SFSWAP: variants seen among roughly 807,000 people sequenced by gnomAD.
The protein encoded by SFSWAP is splicing factor SWAP.
A neutral mutation model predicts 100.7 loss-of-function variants in SFSWAP; 17 were observed. The observed-to-expected ratio is 0.17, with a 90% CI of 0.12 to 0.25. SFSWAP has a LOEUF of 0.25. Ranked by LOEUF, SFSWAP falls within the 10% of genes least tolerant of loss-of-function variation. The pLI is 1.00. For synonymous variants in SFSWAP, 504 were observed against 510.1 expected (o/e 0.99, Z 0.16); for missense variants, 1,005 against 1,262.6 (o/e 0.80, Z 3.09).
At chr12:131,766,037 C>T in intron 12 of SFSWAP, 81 bp from the exon 13 acceptor site, 1 of 1,419,986 alleles carries the variant, frequency 7.0e-7, no homozygotes, top group Non-Finnish European at 9.5e-7. Flanking sequence ...TTGTATGACA[C>T]TTTTGCAACC....
At chr12:131,784,786 G>A (rs1593187355) in intron 14 of SFSWAP, 1 of 266,338 alleles carries the variant, frequency 3.8e-6, no homozygotes, top group East Asian at 7.0e-5. Context: ...TCTAAGATGG[G>A]CGTTTTCCCC....
At chr12:131,772,242 G>GCTGAATTCCCATTTGTACTCGATCTTT (rs1883675742) in intron 13 of SFSWAP, among the ~76,000 whole-genome samples, 1 of 152,116 alleles carries the variant, frequency 6.6e-6, no homozygotes, top group Non-Finnish European at 1.5e-5. Flanking sequence ...TTTACAACGT[G>GCTGAATTCCCATTTGTACTCGATCTTT]CTGAATTCCC....
intron 4 of SFSWAP, among the ~76,000 whole-genome samples, chr12:131,721,312 T>G (rs1157076346): frequency 3.3e-5 from 5 of 152,228 alleles, no homozygotes; most frequent in Admixed American, 3.3e-4. Context: ...CATATGTTTG[T>G]TTCTCCATTT....
At chr12:131,793,062 G>A (rs1885388030) in intron 15 of SFSWAP, among the ~76,000 whole-genome samples, 3 of 152,044 alleles carry the variant, frequency 2.0e-5, no homozygotes, top group Admixed American at 6.6e-5. Flanking sequence ...CAGCCACAGC[G>A]ATTCAGTGAG....
chr12:131,782,214 C>A (rs1369978424), intron 14 of SFSWAP, among the ~76,000 whole-genome samples: 1 of 152,216 alleles, frequency 6.6e-6, no homozygotes, highest in Non-Finnish European at 1.5e-5. Flanking sequence ...TGCCTCAGCT[C>A]TTCTGGGAAC....
At chr12:131,759,075 A>G (rs769359159) in intron 11 of SFSWAP, among the ~76,000 whole-genome samples, 9 of 152,222 alleles carry the variant, frequency 5.9e-5, no homozygotes, top group Non-Finnish European at 1.2e-4. Context: ...TGACAGAGGA[A>G]GAAAATTATA....
chr12:131,743,497 A>C (rs532738443), intron 7 of SFSWAP, among the ~76,000 whole-genome samples: 7 of 152,266 alleles, frequency 4.6e-5, no homozygotes, highest in Non-Finnish European at 1.0e-4. Flanking sequence ...CTTTGACTCC[A>C]TGTCTCGCAT....
At chr12:131,719,904 A>G (rs1566003257) in intron 4 of SFSWAP, among the ~76,000 whole-genome samples, 2 of 152,208 alleles carry the variant, frequency 1.3e-5, no homozygotes, top group Non-Finnish European at 2.9e-5. Context: ...CGTTGATTTC[A>G]GTAACGTTGC....
At chr12:131,761,543 G>A (rs1412366590) in intron 11 of SFSWAP, among the ~76,000 whole-genome samples, 1 of 152,236 alleles carries the variant, frequency 6.6e-6, no homozygotes, top group Non-Finnish European at 1.5e-5. Context: ...CAGCTCTCAG[G>A]CAGAGGTGAG....
At chr12:131,758,504 G>A (rs1184255366) in intron 11 of SFSWAP, among the ~76,000 whole-genome samples, 1 of 152,182 alleles carries the variant, frequency 6.6e-6, no homozygotes, top group Non-Finnish European at 1.5e-5. Flanking sequence ...AAGTTCGGGA[G>A]ACACAGCTGA....
At chr12:131,719,638 G>A in intron 4 of SFSWAP, 99 bp downstream of exon 4, 1 of 907,952 alleles carries the variant, frequency 1.1e-6, no homozygotes, top group South Asian at 1.4e-5. Context: ...CTGCTTTTTA[G>A]GCATATAATG....
intron 12 of SFSWAP, 24 bp from the exon 13 acceptor site, chr12:131,766,094 T>G (rs770952328): frequency 1.0e-5 from 16 of 1,579,730 alleles, no homozygotes; most frequent in East Asian, 2.2e-5. Context: ...TAAACTTCTC[T>G]TTTTTCTTTG....
chr12:131,753,126 C>T lies in SFSWAP; in HGVS notation c.1085C>T (p.Thr362Ile). ...CCGGGGCAATGTGTCTCCACAGCGA[C>T]CGTGGCAGCCATGTATTACAGCTAC... is the stretch of plus-strand genomic sequence containing the variant. ...PSQVEYTADSTVAAMYYSYYM... is the reference protein window; with the variant it reads ...PSQVEYTADSIVAAMYYSYYM... The change falls in exon 8 of 18, where the codon ACC becomes ATC. Residue 362 changes from threonine to isoleucine, a missense_variant. Physicochemically the swap from Thr to Ile is moderately conservative, Grantham distance 89. Coordinates refer to ENST00000261674, the MANE Select transcript of SFSWAP (RefSeq NM_004592.4). The T allele has an allele frequency of 6.2e-7, 1 of 1,614,146 alleles. No homozygotes were observed. The highest frequency in any genetic ancestry group is 8.5e-7 in the Non-Finnish European group (1 of 1,180,016).
chr12:131,756,378 G>T (rs528356344), intron 10 of SFSWAP, 95 bp from the exon 11 acceptor site: 1 of 1,079,038 alleles, frequency 9.3e-7, no homozygotes, highest in Non-Finnish European at 1.4e-6. Context: ...TACAATTGCC[G>T]TTGTCCAGTG....
intron 6 of SFSWAP, among the ~76,000 whole-genome samples, chr12:131,728,033 G>A (rs1026325692): frequency 2.6e-5 from 4 of 152,206 alleles, no homozygotes; most frequent in African/African-American, 9.6e-5. Flanking sequence ...ACTTTAATTG[G>A]TGTCAAACTA....
At chr12:131,755,648 G>A (rs1882088623) in intron 10 of SFSWAP, among the ~76,000 whole-genome samples, 169 bp downstream of exon 10, 1 of 152,030 alleles carries the variant, frequency 6.6e-6, no homozygotes, top group African/African-American at 2.4e-5. Flanking sequence ...CCTTAGCTCT[G>A]GAACCTGATC....
intron 7 of SFSWAP, among the ~76,000 whole-genome samples, chr12:131,732,481 T>G (rs1227412790): frequency 1.3e-5 from 2 of 152,210 alleles, no homozygotes; most frequent in South Asian, 4.1e-4. Context: ...TTGAAATTCC[T>G]GCTTCAGCCA....
intron 7 of SFSWAP, among the ~76,000 whole-genome samples, chr12:131,742,627 G>A (rs1051851697): frequency 6.8e-6 from 1 of 147,078 alleles, no homozygotes; most frequent in African/African-American, 2.4e-5. Flanking sequence ...TTCTCTTGTT[G>A]GGGGACTTTT....
At chr12:131,712,634 G>C (rs1877484103) in intron 1 of SFSWAP, 1 of 152,192 alleles carries the variant, frequency 6.6e-6, no homozygotes, top group African/African-American at 2.4e-5. Flanking sequence ...CATCCCTGAC[G>C]TTTCCTTTTG....
Sources: gnomAD v4.1 joint callset for allele counts (sites outside exome capture counted in the v4.1 genomes callset) on GRCh38, gnomAD v4.1.1 for gene constraint, MANE v1.5 for transcripts, NCBI Gene and HGNC (gene_info 2026-07-23, HGNC 2026-07-21) for gene names.